The following THSD7B variants were observed in gnomAD, a reference collection of about 807,000 sequenced individuals.
THSD7B encodes the protein thrombospondin type 1 domain containing 7B, also known as thrombospondin type-1 domain-containing protein 7B.
A neutral mutation model predicts 213.6 loss-of-function variants in THSD7B; 138 were observed. The observed-to-expected ratio is 0.65, with a 90% CI of 0.56 to 0.74. THSD7B has a LOEUF of 0.74. Among genes scored for constraint, THSD7B ranks in the 30% least tolerant of loss-of-function variants. The pLI is 0.00. For synonymous variants in THSD7B, 742 were observed against 687.0 expected, an observed-to-expected ratio of 1.08 and a Z score of -1.25; for missense variants, 1,931 against 1,991.5, an observed-to-expected ratio of 0.97 and a Z score of 0.58.
At chr2:137,196,840 A>G (rs1680775788) in intron 7 of THSD7B, among the ~76,000 whole-genome samples, 1 of 152,184 alleles carries the variant, frequency 6.6e-6, no homozygotes, top group African/African-American at 2.4e-5. Flanking sequence ...ATTTGCAAAA[A>G]TCTGAAATAG....
chr2:137,097,769 GACACACACACACACACACAC>G (rs3050089), intron 4 of THSD7B, among the ~76,000 whole-genome samples: 1 of 141,350 alleles, frequency 7.1e-6, no homozygotes. Flanking sequence ...CGCTAAGTTT[GACACACACACACACACACAC>G]ACACACACAC....
chr2:137,189,387 G>T (rs998692538), intron 7 of THSD7B, among the ~76,000 whole-genome samples: 22 of 152,136 alleles, frequency 1.4e-4, no homozygotes, highest in African/African-American at 5.3e-4. Context: ...ATCATCCCCA[G>T]CACTGAGCCT....
At position 136,874,121 on chromosome 2, in the gene THSD7B, G is replaced by T. The variant is rs147810659; in HGVS notation, c.-35-8023G>T. On this transcript the variant is annotated intron_variant, in intron 1 of 27. Transcript: ENST00000409968. ...GCTATAAAGGATCTACATTATCAGA[G>T]ACATGAAAAAATGCTTGTGTTGATA... Among the ~76,000 whole-genome samples, 52 of 152,226 alleles carry T rather than the reference G, an allele frequency of 3.4e-4. No individual in the cohort carries two copies. In the East Asian group the frequency reaches 9.8e-3, roughly 29 times the overall value.
At chr2:137,105,038 A>T (rs1230029024) in intron 4 of THSD7B, among the ~76,000 whole-genome samples, 1 of 152,158 alleles carries the variant, frequency 6.6e-6, no homozygotes, top group East Asian at 1.9e-4. Flanking sequence ...AAAAGAGGGA[A>T]TCCTCCCTAA....
At chr2:136,813,391 G>C (rs1002217702) in intron 1 of THSD7B, among the ~76,000 whole-genome samples, 4 of 151,830 alleles carry the variant, frequency 2.6e-5, no homozygotes, top group African/African-American at 9.7e-5. Flanking sequence ...TGGCTGGAAA[G>C]TTAATGATAG....
intron 2 of THSD7B, among the ~76,000 whole-genome samples, chr2:136,982,419 C>T (rs1685598254): frequency 1.3e-5 from 2 of 152,126 alleles, no homozygotes; most frequent in Admixed American, 6.5e-5. Flanking sequence ...CTATCTCGGC[C>T]TCCCGAAGTG....
chr2:137,201,410 T>A (rs987108895), intron 7 of THSD7B, among the ~76,000 whole-genome samples: 1 of 152,142 alleles, frequency 6.6e-6, no homozygotes, highest in African/African-American at 2.4e-5. Context: ...CTTTGACATG[T>A]TGATTTCAGT....
intron 5 of THSD7B, among the ~76,000 whole-genome samples, chr2:137,120,555 A>G (rs1294648493): frequency 6.6e-6 from 1 of 151,960 alleles, no homozygotes; most frequent in Non-Finnish European, 1.5e-5. Context: ...AAGGAGGAAG[A>G]AACTTATTAA....
intron 7 of THSD7B, among the ~76,000 whole-genome samples, chr2:137,203,955 C>T (rs563737979): frequency 9.2e-5 from 14 of 152,100 alleles, no homozygotes; most frequent in African/African-American, 3.4e-4. Flanking sequence ...AGTACACAGA[C>T]CACCCAGTGA....
At chr2:136,925,816 T>A (rs997975377) in intron 2 of THSD7B, among the ~76,000 whole-genome samples, 1 of 152,212 alleles carries the variant, frequency 6.6e-6, no homozygotes, top group East Asian at 1.9e-4. Context: ...TTTTTTGAAC[T>A]GTTTTTGATT....
At chr2:137,651,967 C>T (rs1357796930) in intron 21 of THSD7B, among the ~76,000 whole-genome samples, 3 of 151,764 alleles carry the variant, frequency 2.0e-5, no homozygotes, top group Non-Finnish European at 4.4e-5. Context: ...GCTTTGTCGC[C>T]GAAGATATGG....
At chr2:137,218,288 ATTG>A (rs1343999780) in intron 7 of THSD7B, among the ~76,000 whole-genome samples, 1 of 152,102 alleles carries the variant, frequency 6.6e-6, no homozygotes, top group Admixed American at 6.6e-5. Context: ...TGTCACTATT[ATTG>A]TTCTGAAGTG....
At chr2:137,211,228 TTTAA>T (rs1290801341) in intron 7 of THSD7B, among the ~76,000 whole-genome samples, 1 of 148,716 alleles carries the variant, frequency 6.7e-6, no homozygotes, top group Non-Finnish European at 1.5e-5. Context: ...AGTTTAACTG[TTTAA>T]TTATTTTGTT....
chr2:137,071,660 AG>A lies in THSD7B; in HGVS notation c.950+14432del, dbSNP rs577235662. Among the ~76,000 whole-genome samples, 433 of 152,236 alleles carry A rather than the reference AG, an allele frequency of 2.8e-3. 2 individuals are homozygous for A. The highest frequency in any genetic ancestry group is 4.9e-3 in the Admixed American group (74 of 15,256). ...GCCTATGTCCTGAATGGTATTGCCTAGGTTTTAGGTGTTGCCTATGTCCTGA... is the reference window on the plus strand; with the variant it reads ...GCCTATGTCCTGAATGGTATTGCCTAGTTTTAGGTGTTGCCTATGTCCTGA... On this transcript the variant is annotated intron_variant, in intron 3 of 27. Transcript: ENST00000409968.
intron 12 of THSD7B, among the ~76,000 whole-genome samples, chr2:137,295,545 G>C (rs1573940752): frequency 6.6e-6 from 1 of 151,572 alleles, no homozygotes; most frequent in Non-Finnish European, 1.5e-5. Flanking sequence ...GTGTGATCTC[G>C]GCTTACTGCA....
intron 7 of THSD7B, among the ~76,000 whole-genome samples, chr2:137,192,805 A>T (rs921981789): frequency 6.6e-6 from 1 of 152,196 alleles, no homozygotes; most frequent in Non-Finnish European, 1.5e-5. Flanking sequence ...GAAAATCAGT[A>T]TTTCCTCATT....
Position 137,617,343 on chromosome 2 carries a change from T to C in THSD7B, c.3565+1027T>C, listed in dbSNP as rs764674982. Among the ~76,000 whole-genome samples the C allele has an allele frequency of 7.9e-4, 121 of 152,250 alleles. 1 individual carries two copies. Among genetic ancestry groups the C allele is most frequent in the Non-Finnish European group, 5.1e-4 (35 of 68,050 alleles). On this transcript the variant is annotated intron_variant, in intron 18 of 27. Transcript: ENST00000409968. ...AAAATTTCTTTAAAGAGTTTTTATA[T>C]GACCAAGGGTCTTCCTTTCTACTGA...
intron 1 of THSD7B, among the ~76,000 whole-genome samples, chr2:136,775,849 G>A (rs1681592407): frequency 6.6e-6 from 1 of 152,100 alleles, no homozygotes; most frequent in Non-Finnish European, 1.5e-5. Context: ...CAGAACAGTG[G>A]CGATTACCCG....
intron 15 of THSD7B, among the ~76,000 whole-genome samples, chr2:137,496,481 G>A (rs1679569993): frequency 6.6e-6 from 1 of 152,074 alleles, no homozygotes; most frequent in African/African-American, 2.4e-5. Flanking sequence ...TTTGTTTTGT[G>A]TGCATTTTTT....
Sources: allele counts gnomAD v4.1 joint callset (sites outside exome capture counted in the v4.1 genomes callset), GRCh38; gene constraint gnomAD v4.1.1; transcripts MANE v1.5; gene names NCBI Gene and HGNC (gene_info 2026-07-23, HGNC 2026-07-21).